CALN1: variants seen among roughly 807,000 people sequenced by gnomAD.
CALN1 encodes the protein calneuron 1.
In CALN1, 17 loss-of-function variants were observed where a neutral mutation model predicts 30.6. That is an observed-to-expected ratio of 0.56 (90% CI 0.38 to 0.83). The LOEUF (loss-of-function observed/expected upper bound fraction) is 0.83. Ranked by LOEUF, CALN1 falls within the 40% of genes least tolerant of loss-of-function variation. The probability of loss-of-function intolerance (pLI) is 0.00; values close to 1 mark genes in which losing one functional copy is unlikely to be tolerated. For missense variants in CALN1, 291 were observed against 354.9 expected, an observed-to-expected ratio of 0.82 and a Z score of 1.45; for synonymous variants, 156 against 131.4, an observed-to-expected ratio of 1.19 and a Z score of -1.28.
chr7:72,467,397 T>C, the CALN1 span, among the ~76,000 whole-genome samples: 61 of 152,238 alleles, frequency 4.0e-4, no homozygotes, highest in Non-Finnish European at 6.8e-4. Flanking sequence ...CAGCTCGGGC[T>C]GTAAGAGGAA....
chr7:71,816,242 A>T (rs112370043), intron 5 of CALN1, among the ~76,000 whole-genome samples: 187 of 152,194 alleles, frequency 1.2e-3, no homozygotes, highest in African/African-American at 4.3e-3. Context: ...CCATTTATAC[A>T]CTTCAGAGCA....
chr7:71,925,477 ATTTTTTGGGT>A (rs144375561), intron 5 of CALN1, among the ~76,000 whole-genome samples: 1 of 135,214 alleles, frequency 7.4e-6, no homozygotes, highest in African/African-American at 2.8e-5. Context: ...CCCCCCTCCT[ATTTTTTGGGT>A]TTTTTTGGTT....
chr7:72,468,298 G>A, the CALN1 span, among the ~76,000 whole-genome samples: 2 of 152,076 alleles, frequency 1.3e-5, no homozygotes, highest in African/African-American at 4.8e-5. Flanking sequence ...GTAATTCTGT[G>A]TTCAACTGCT....
intron 2 of CALN1, among the ~76,000 whole-genome samples, chr7:72,313,545 A>G (rs1800210366): frequency 6.6e-6 from 1 of 151,932 alleles, no homozygotes; most frequent in Non-Finnish European, 1.5e-5. Context: ...GGTGCGTACC[A>G]CCATGCCTGG....
intron 5 of CALN1, among the ~76,000 whole-genome samples, chr7:71,990,822 C>T (rs1214601376): frequency 6.6e-6 from 1 of 152,120 alleles, no homozygotes; most frequent in Non-Finnish European, 1.5e-5. Flanking sequence ...ACTCTAAGGA[C>T]TCGCACCAAA....
At chr7:71,986,707 C>T (rs751317861) in intron 5 of CALN1, among the ~76,000 whole-genome samples, 6 of 152,220 alleles carry the variant, frequency 3.9e-5, no homozygotes, top group Non-Finnish European at 5.9e-5. Flanking sequence ...TATTTCACCT[C>T]TTTAGAAATT....
chr7:72,488,747 A>G, the CALN1 span, among the ~76,000 whole-genome samples: 1 of 152,158 alleles, frequency 6.6e-6, no homozygotes, highest in African/African-American at 2.4e-5. Flanking sequence ...ACAGTGGTGC[A>G]ATCATAACTC....
Position 71,851,254 on chromosome 7 carries a change from T to C in CALN1, c.502-40762A>G, listed in dbSNP as rs1373791081. Reference sequence around the variant, plus strand: ...ACACACACACACACACACACACACATCACACATATACAGCTGGGTGCAGTA... The same window carrying C: ...ACACACACACACACACACACACACACCACACATATACAGCTGGGTGCAGTA... On this transcript the variant is annotated intron_variant, in intron 5 of 6. Transcript: ENST00000395275. 1.2e-3 allele frequency among the ~76,000 whole-genome samples: 73 copies of C among 60,694 alleles called. 1 individual carries two copies. The highest frequency in any genetic ancestry group is 2.4e-3 in the African/African-American group (39 of 16,320). The allele number at this position is 60,694 out of a possible 152,430, so 39.8% of individuals were successfully genotyped here. A position where few individuals can be genotyped will look rare whatever the true frequency, so the allele number is the denominator to read the frequency against.
chr7:72,446,198 G>A (rs767235131), intron 1 of CALN1, among the ~76,000 whole-genome samples: 14 of 152,214 alleles, frequency 9.2e-5, no homozygotes, highest in Non-Finnish European at 1.6e-4. Context: ...GGTATGACTC[G>A]GAAAGAGCAT....
At chr7:72,352,304 G>A (rs1198735075) in intron 2 of CALN1, among the ~76,000 whole-genome samples, 8 of 146,726 alleles carry the variant, frequency 5.5e-5, no homozygotes, top group East Asian at 2.0e-4. Flanking sequence ...CAGGAGAATC[G>A]CTTGAACCTG....
At chr7:72,227,512 C>A (rs1222540104) in intron 3 of CALN1, among the ~76,000 whole-genome samples, 1 of 149,546 alleles carries the variant, frequency 6.7e-6, no homozygotes, top group East Asian at 2.0e-4. Context: ...CGCACTCCAG[C>A]CTGGGTGACA....
intron 5 of CALN1, among the ~76,000 whole-genome samples, chr7:71,892,362 C>A (rs189092234): frequency 2.6e-5 from 4 of 152,140 alleles, no homozygotes; most frequent in African/African-American, 9.7e-5. Flanking sequence ...CAGGGCCAGG[C>A]GCAGTGGCTC....
chr7:72,117,778 C>T (rs944942274), intron 3 of CALN1, among the ~76,000 whole-genome samples: 1 of 151,772 alleles, frequency 6.6e-6, no homozygotes, highest in African/African-American at 2.4e-5. Flanking sequence ...GCCAACATGG[C>T]GAAACTCCAT....
intron 3 of CALN1, among the ~76,000 whole-genome samples, chr7:72,251,220 GC>G (rs1217754178): frequency 6.6e-6 from 1 of 151,990 alleles, no homozygotes; most frequent in Non-Finnish European, 1.5e-5. Context: ...TCTGGTCAAA[GC>G]CCAACAGCCT....
chr7:71,828,363 T>G (rs1789052763), intron 5 of CALN1, among the ~76,000 whole-genome samples: 1 of 152,092 alleles, frequency 6.6e-6, no homozygotes, highest in Admixed American at 6.6e-5. Flanking sequence ...CCTGAGAACC[T>G]ATAAATGGGT....
chr7:71,947,071 C>A (rs557683650), intron 5 of CALN1, among the ~76,000 whole-genome samples: 4 of 152,132 alleles, frequency 2.6e-5, no homozygotes, highest in Non-Finnish European at 5.9e-5. Context: ...AGTGAAGTGG[C>A]GTGATTTCGG....
intron 5 of CALN1, among the ~76,000 whole-genome samples, chr7:72,016,594 G>A (rs911346472): frequency 4.6e-5 from 7 of 151,688 alleles, no homozygotes; most frequent in African/African-American, 1.5e-4. Flanking sequence ...GTACCACCAT[G>A]CCTCGCTAAT....
At chr7:72,164,349 C>CAAAA (rs71531792) in intron 3 of CALN1, among the ~76,000 whole-genome samples, 1 of 117,444 alleles carries the variant, frequency 8.5e-6, no homozygotes, top group Non-Finnish European at 1.7e-5. Flanking sequence ...AACACTCCGT[C>CAAAA]AAAAAAAAAA....
At chr7:72,349,660 C>T (rs10216236) in intron 2 of CALN1, among the ~76,000 whole-genome samples, 29,527 of 151,968 alleles carry the variant, frequency 0.19, 3,767 homozygotes, top group East Asian at 0.4. Context: ...ATTGTCATGA[C>T]GGTTTTGACT....
Sources: allele counts gnomAD v4.1 joint callset (sites outside exome capture counted in the v4.1 genomes callset), GRCh38; gene constraint gnomAD v4.1.1; transcripts MANE v1.5; gene names NCBI Gene and HGNC (gene_info 2026-07-23, HGNC 2026-07-21).